Variants in MEI4 observed in about 807,000 individuals in gnomAD.
MEI4 encodes the protein meiosis-specific protein MEI4.
A neutral mutation model predicts 31.4 loss-of-function variants in MEI4; 27 were observed. The ratio of observed to expected loss-of-function variants is 0.86; its 90% CI spans 0.63 to 1.19. MEI4 has a LOEUF of 1.19. Among genes scored for constraint, MEI4 ranks in the 50% most tolerant of loss-of-function variants. The pLI, the probability that MEI4 is intolerant of heterozygous loss-of-function variation, is 0.00. For missense variants in MEI4, 329 were observed against 398.9 expected, an observed-to-expected ratio of 0.82 and a Z score of 1.49; for synonymous variants, 122 against 145.4, an observed-to-expected ratio of 0.84 and a Z score of 1.16.
At chr6:77,788,077 T>TA (rs1768797012) in intron 3 of MEI4, among the ~76,000 whole-genome samples, 1 of 152,068 alleles carries the variant, frequency 6.6e-6, no homozygotes, top group South Asian at 2.1e-4. Context: ...GAAGGAATGG[T>TA]ACCAGCAGGG....
intron 3 of MEI4, among the ~76,000 whole-genome samples, chr6:77,827,360 TAAAAAAAA>T (rs57446339): frequency 1.5e-5 from 1 of 67,776 alleles, no homozygotes; most frequent in Admixed American, 2.2e-4. Context: ...GACTCCATCT[TAAAAAAAA>T]AAAAAAAAAA....
chr6:77,749,249 G>A (rs1017521915), intron 2 of MEI4, among the ~76,000 whole-genome samples: 3 of 152,132 alleles, frequency 2.0e-5, no homozygotes, highest in Admixed American at 6.6e-5. Context: ...AGCAAGAGAA[G>A]AAAACTGAAC....
chr6:77,923,141 G>GGGTTCTGGAGCA lies in MEI4; in HGVS notation c.955_966dup (p.Val319_Gln322dup). 4 of 1,230,482 alleles carry GGGTTCTGGAGCA rather than the reference G, an allele frequency of 3.3e-6. No homozygotes were observed. Among genetic ancestry groups the GGGTTCTGGAGCA allele is most frequent in the Non-Finnish European group, 4.1e-6 (4 of 986,836 alleles). The allele number at this position is 1,230,482 out of a possible 1,614,324, so 76.2% of individuals were successfully genotyped here. ...TATGAAAACATTTTCTACCTGTTCT[G>GGGTTCTGGAGCA]GGTTCTGGAGCAGCTTCTTCAAAAG... is the stretch of plus-strand genomic sequence containing the variant. On this transcript the variant is annotated inframe_insertion, in exon 5 of 5. Coordinates refer to ENST00000684080, the MANE Select transcript of MEI4 (RefSeq NM_001322247.2).
intron 1 of MEI4, among the ~76,000 whole-genome samples, chr6:77,686,659 T>A (rs1032703751): frequency 1.2e-4 from 19 of 152,118 alleles, no homozygotes; most frequent in African/African-American, 4.3e-4. Flanking sequence ...CAGGTTTTTT[T>A]ATATTGGTAG....
rs565399186 is a variant in MEI4, at chr6:77,681,231, A to G, written c.-14-9427A>G. 5.9e-4 allele frequency among the ~76,000 whole-genome samples: 90 copies of G among 152,144 alleles called. No homozygotes were observed. In the South Asian group the frequency reaches 6.2e-3, roughly 11 times the overall value. ...TTCATCCTATGTTCATTCTTATTTTATGACACGGGACTGTTTTTCACCGCC... is the reference window on the plus strand; with the variant it reads ...TTCATCCTATGTTCATTCTTATTTTGTGACACGGGACTGTTTTTCACCGCC... On this transcript the variant is annotated intron_variant, in intron 1 of 4. Transcript: ENST00000684080.
At chr6:77,833,584 C>T (rs1310577870) in intron 4 of MEI4, among the ~76,000 whole-genome samples, 1 of 152,116 alleles carries the variant, frequency 6.6e-6, no homozygotes, top group East Asian at 1.9e-4. Flanking sequence ...AAAAGAGGTA[C>T]ACATGTTCAT....
intron 3 of MEI4, among the ~76,000 whole-genome samples, chr6:77,768,081 A>G (rs183098777): frequency 8.9e-4 from 135 of 152,276 alleles, no homozygotes; most frequent in Non-Finnish European, 1.5e-3. Context: ...TACTATCTTC[A>G]GTTTATAGAT....
chr6:77,924,179 C>A lies in MEI4; in HGVS notation c.*833C>A, dbSNP rs1441824505. 2 of 151,732 alleles carry A rather than the reference C, an allele frequency of 1.3e-5. No homozygotes were observed. The highest frequency in any genetic ancestry group is 4.8e-5 in the African/African-American group (2 of 41,372). 9.4% of individuals were successfully genotyped at this position (151,732 alleles called of 1,614,324 possible). Reference sequence around the variant, plus strand: ...ATTTCAATGATTAAAATCATAACCGCAAACTTAATGAGCATATGTTACATT... The same window carrying A: ...ATTTCAATGATTAAAATCATAACCGAAAACTTAATGAGCATATGTTACATT... On this transcript the variant is annotated 3_prime_UTR_variant, in exon 5 of 5. Transcript: ENST00000684080.
At chr6:77,891,662 C>A (rs1465747776) in intron 4 of MEI4, among the ~76,000 whole-genome samples, 1 of 151,648 alleles carries the variant, frequency 6.6e-6, no homozygotes, top group Admixed American at 6.6e-5. Flanking sequence ...TTATTGTGTT[C>A]CTTTGAAATT....
intron 4 of MEI4, among the ~76,000 whole-genome samples, chr6:77,896,617 T>C (rs1385074396): frequency 6.6e-6 from 1 of 152,078 alleles, no homozygotes; most frequent in African/African-American, 2.4e-5. Flanking sequence ...CATAAGACTC[T>C]GTTTAACACA....
chr6:77,838,695 A>T (rs971199587), intron 4 of MEI4, among the ~76,000 whole-genome samples: 1 of 152,152 alleles, frequency 6.6e-6, no homozygotes, highest in African/African-American at 2.4e-5. Flanking sequence ...TGAGGTCAGG[A>T]GTTCAAGACC....
At position 77,799,751 on chromosome 6, in the gene MEI4, A is replaced by T. The variant is rs369326531; in HGVS notation, c.769-29180A>T. ...CCCAGCACCATTTATTAAATAGGGA[A>T]TCCTTTCCCCATTGCTTGTTTTTCT... On this transcript the variant is annotated intron_variant, in intron 3 of 4. Coordinates refer to ENST00000684080, the MANE Select transcript of MEI4 (RefSeq NM_001322247.2). Among the ~76,000 whole-genome samples, 7 of 152,208 alleles carry T rather than the reference A, an allele frequency of 4.6e-5. No individual in the cohort carries two copies. The East Asian group carries it at 1.2e-3, about 25-fold the overall frequency.
intron 2 of MEI4, among the ~76,000 whole-genome samples, chr6:77,730,773 G>C (rs1440033436): frequency 7.1e-6 from 1 of 140,828 alleles, no homozygotes; most frequent in Non-Finnish European, 1.5e-5. Context: ...GCTATCCCTC[G>C]CCCCTCCCCC....
At chr6:77,844,070 C>T (rs1214289711) in intron 4 of MEI4, among the ~76,000 whole-genome samples, 1 of 152,060 alleles carries the variant, frequency 6.6e-6, no homozygotes, top group Non-Finnish European at 1.5e-5. Flanking sequence ...ATCAATCCAA[C>T]ATGAAGTTTA....
At chr6:77,736,686 A>C (rs1232078694) in intron 2 of MEI4, among the ~76,000 whole-genome samples, 1 of 152,056 alleles carries the variant, frequency 6.6e-6, no homozygotes, top group Admixed American at 6.5e-5. Context: ...TGTGAGGTAC[A>C]AAACAATGTA....
intron 4 of MEI4, among the ~76,000 whole-genome samples, chr6:77,869,008 A>G (rs1771132399): frequency 6.6e-6 from 1 of 152,034 alleles, no homozygotes; most frequent in African/African-American, 2.4e-5. Context: ...GCCGAGCTGG[A>G]TGCCTAATGC....
intron 4 of MEI4, among the ~76,000 whole-genome samples, chr6:77,906,311 A>C (rs964728495): frequency 2.0e-5 from 3 of 152,096 alleles, no homozygotes; most frequent in Non-Finnish European, 4.4e-5. Context: ...CAGACTCTGC[A>C]TACTAGTTTT....
At chr6:77,822,616 C>T (rs923288276) in intron 3 of MEI4, among the ~76,000 whole-genome samples, 6 of 129,276 alleles carry the variant, frequency 4.6e-5, no homozygotes, top group Admixed American at 1.5e-4. Flanking sequence ...TTGGATACCC[C>T]CCCCCCCTTT....
At chr6:77,706,708 G>A (rs1243457287) in intron 2 of MEI4, among the ~76,000 whole-genome samples, 1 of 152,160 alleles carries the variant, frequency 6.6e-6, no homozygotes, top group African/African-American at 2.4e-5. Context: ...ATGGTAATGA[G>A]TGAGTTCCCT....
Sources: gnomAD v4.1 joint callset for allele counts (sites outside exome capture counted in the v4.1 genomes callset) on GRCh38, gnomAD v4.1.1 for gene constraint, MANE v1.5 for transcripts, NCBI Gene and HGNC (gene_info 2026-07-23, HGNC 2026-07-21) for gene names.